ARHGAP15: variants seen among roughly 807,000 people sequenced by gnomAD.
ARHGAP15 encodes the protein rho GTPase-activating protein 15.
ARHGAP15 carries 51 observed loss-of-function variants against 63.7 expected under a neutral mutation model. The observed-to-expected ratio is 0.80, with a 90% CI of 0.64 to 1.01. The LOEUF is 1.01. Among genes scored for constraint, ARHGAP15 ranks in the 50% least tolerant of loss-of-function variants. ARHGAP15 has a pLI of 0.00. For missense variants in ARHGAP15, 560 were observed against 564.6 expected (o/e 0.99, Z 0.08); for synonymous variants, 191 against 193.8 (o/e 0.99, Z 0.12).
intron 12 of ARHGAP15, among the ~76,000 whole-genome samples, chr2:143,645,790 C>T (rs1341848873): frequency 6.6e-6 from 1 of 151,988 alleles, no homozygotes; most frequent in Non-Finnish European, 1.5e-5. Flanking sequence ...AGAAATGCCC[C>T]AACCTGCACC....
intron 12 of ARHGAP15, among the ~76,000 whole-genome samples, chr2:143,671,269 T>C (rs1682512094): frequency 6.6e-6 from 1 of 152,016 alleles, no homozygotes; most frequent in Non-Finnish European, 1.5e-5. Context: ...TTTATATCGC[T>C]GGGGGATTTG....
intron 12 of ARHGAP15, among the ~76,000 whole-genome samples, 196 bp from the exon 13 acceptor site, chr2:143,703,223 C>T (rs1214449630): frequency 1.3e-5 from 2 of 152,148 alleles, no homozygotes; most frequent in African/African-American, 2.4e-5. Context: ...AGAAGGCCTG[C>T]CACTGTCAAA....
chr2:143,276,718 G>A (rs979330211), intron 6 of ARHGAP15, among the ~76,000 whole-genome samples: 4 of 152,110 alleles, frequency 2.6e-5, no homozygotes, highest in African/African-American at 7.2e-5. Context: ...AGGATGACAT[G>A]AGCCCAAGAG....
rs373835533 is a variant in ARHGAP15, at chr2:143,435,582, C to T, written c.475-19C>T. On this transcript the variant is annotated intron_variant, in intron 6 of 13. Coordinates refer to ENST00000295095, the MANE Select transcript of ARHGAP15 (RefSeq NM_018460.4). ...TTTCTTTACCTGTCTATTTCTTTTT[C>T]TTTTTTTTTTTTTTGCAGATCACAA... 106 of 1,356,636 alleles carry T rather than the reference C, an allele frequency of 7.8e-5. No homozygotes were observed. Among genetic ancestry groups the T allele is most frequent in the Middle Eastern group, 4.8e-4 (2 of 4,194 alleles). 84.0% of individuals were successfully genotyped at this position (1,356,636 alleles called of 1,614,324 possible).
intron 3 of ARHGAP15, among the ~76,000 whole-genome samples, chr2:143,209,043 G>A (rs537778072): frequency 5.9e-5 from 9 of 152,122 alleles, no homozygotes; most frequent in Non-Finnish European, 1.2e-4. Context: ...ATATCATTTT[G>A]TGGATTAATT....
chr2:143,596,745 TTCATG>T (rs1399371617), intron 11 of ARHGAP15, among the ~76,000 whole-genome samples: 1 of 152,102 alleles, frequency 6.6e-6, no homozygotes, highest in African/African-American at 2.4e-5. Context: ...TTACAAATAA[TTCATG>T]TTGCGCTAAT....
intron 8 of ARHGAP15, among the ~76,000 whole-genome samples, chr2:143,450,715 GAAA>G (rs1186242774): frequency 6.6e-6 from 1 of 151,688 alleles, no homozygotes; most frequent in Non-Finnish European, 1.5e-5. Context: ...TAAAGATTAG[GAAA>G]AAAAGAAGAA....
chr2:143,468,946 T>G lies in ARHGAP15; in HGVS notation c.704-18427T>G, dbSNP rs73964518. ...CTCTGCCCAGACCAAAATCATGATT[T>G]GGAGAATGCACTGTAACCAGACAAT... On this transcript the variant is annotated intron_variant, in intron 8 of 13. Coordinates refer to ENST00000295095, the MANE Select transcript of ARHGAP15 (RefSeq NM_018460.4). 5.1e-3 allele frequency among the ~76,000 whole-genome samples: 775 copies of G among 152,284 alleles called. 1 individual carries two copies. The highest frequency in any genetic ancestry group is 0.017 in the African/African-American group (717 of 41,552).
At chr2:143,440,432 T>C (rs532604576) in intron 8 of ARHGAP15, among the ~76,000 whole-genome samples, 5 of 152,252 alleles carry the variant, frequency 3.3e-5, no homozygotes, top group African/African-American at 1.2e-4. Flanking sequence ...CAAACTTTAT[T>C]GTCGGTTTTC....
At chr2:143,521,659 A>G (rs1694066132) in intron 10 of ARHGAP15, among the ~76,000 whole-genome samples, 1 of 152,174 alleles carries the variant, frequency 6.6e-6, no homozygotes, top group African/African-American at 2.4e-5. Context: ...GGAAATGCTG[A>G]TGGACCAGTT....
intron 12 of ARHGAP15, among the ~76,000 whole-genome samples, chr2:143,663,664 G>A (rs915639061): frequency 9.2e-5 from 14 of 152,044 alleles, no homozygotes; most frequent in Non-Finnish European, 1.6e-4. Context: ...CTGTATTCAG[G>A]AAACCCATCT....
chr2:143,737,698 T>G (rs1324250527), intron 13 of ARHGAP15, among the ~76,000 whole-genome samples: 2 of 152,068 alleles, frequency 1.3e-5, no homozygotes, highest in African/African-American at 2.4e-5. Context: ...CTAATGGTAA[T>G]CTCATGAAAA....
At chr2:143,252,214 A>G (rs540859282) in intron 6 of ARHGAP15, among the ~76,000 whole-genome samples, 27 of 152,190 alleles carry the variant, frequency 1.8e-4, no homozygotes, top group African/African-American at 6.3e-4. Context: ...AGTCAGCTAT[A>G]TTTGATGCAT....
chr2:143,382,742 C>T (rs1360024327), intron 6 of ARHGAP15, among the ~76,000 whole-genome samples: 2 of 152,104 alleles, frequency 1.3e-5, no homozygotes, highest in African/African-American at 4.8e-5. Context: ...GGGAAGATCC[C>T]GTGAGGCTGA....
intron 1 of ARHGAP15, among the ~76,000 whole-genome samples, chr2:143,154,103 T>A (rs1294112118): frequency 6.6e-6 from 1 of 151,748 alleles, no homozygotes; most frequent in Non-Finnish European, 1.5e-5. Context: ...TCCACCTCTT[T>A]CTGCCTGCCT....
intron 3 of ARHGAP15, among the ~76,000 whole-genome samples, chr2:143,206,641 T>C (rs1692340151): frequency 6.6e-6 from 1 of 152,126 alleles, no homozygotes; most frequent in Non-Finnish European, 1.5e-5. Flanking sequence ...TACTGAGCTA[T>C]AAGCTATTTG....
intron 6 of ARHGAP15, among the ~76,000 whole-genome samples, chr2:143,290,380 G>A (rs1682329279): frequency 6.6e-6 from 1 of 151,496 alleles, no homozygotes; most frequent in Non-Finnish European, 1.5e-5. Flanking sequence ...AAGGAAAATA[G>A]GAAATGATGG....
At chr2:143,387,831 A>G (rs1290110238) in intron 6 of ARHGAP15, among the ~76,000 whole-genome samples, 4 of 149,386 alleles carry the variant, frequency 2.7e-5, no homozygotes, top group Non-Finnish European at 4.4e-5. Context: ...ATACACACAC[A>G]CGCATGCAAG....
chr2:143,166,069 AT>A (rs1038452480), intron 2 of ARHGAP15, among the ~76,000 whole-genome samples: 32 of 150,720 alleles, frequency 2.1e-4, no homozygotes, highest in Middle Eastern at 3.4e-3. Context: ...AAGAAAAAAA[AT>A]ATCTTCTTTC....
Sources: gnomAD v4.1 joint callset for allele counts (sites outside exome capture counted in the v4.1 genomes callset) on GRCh38, gnomAD v4.1.1 for gene constraint, MANE v1.5 for transcripts, NCBI Gene and HGNC (gene_info 2026-07-23, HGNC 2026-07-21) for gene names.